The following JPH2 variants were observed in gnomAD, a reference collection of about 807,000 sequenced individuals.
JPH2 encodes junctophilin 2.
Under a neutral mutation model 55.9 loss-of-function variants are expected in JPH2, and 38 were observed. That is an observed-to-expected ratio of 0.68 (90% confidence interval 0.52 to 0.89). JPH2 has a LOEUF of 0.89. Among genes scored for constraint, JPH2 ranks in the 40% least tolerant of loss-of-function variants. The pLI, the probability that JPH2 is intolerant of heterozygous loss-of-function variation, is 0.00. For synonymous variants in JPH2, 480 were observed against 472.4 expected, an observed-to-expected ratio of 1.02 and a Z score of -0.21; for missense variants, 964 against 1,037.6, an observed-to-expected ratio of 0.93 and a Z score of 0.97.
In JPH2 at chr20:44,111,885, A is replaced by T. The variant is rs2294892; in HGVS notation, c.*1633T>A. ...TCTCCGAGACGGAGCCCGTCAGCAC[A>T]GAGCAGTGGCCCCGCCCCATTCCCC... On this transcript the variant is annotated 3_prime_UTR_variant, in exon 6 of 6. Transcript: ENST00000372980. 0.11 allele frequency: 16,536 copies of T among 152,646 alleles called. 994 individuals carry two copies. Among genetic ancestry groups the T allele is most frequent in the Non-Finnish European group, 0.13 (8,764 of 68,396 alleles). 9.5% of individuals were successfully genotyped at this position (152,646 alleles called of 1,614,324 possible).
At chr20:44,146,033 T>C (rs2072491807) in intron 2 of JPH2, among the ~76,000 whole-genome samples, 1 of 150,988 alleles carries the variant, frequency 6.6e-6, no homozygotes, top group East Asian at 1.9e-4. Flanking sequence ...GTCACCATTG[T>C]TCTTTTTTTT....
chr20:44,120,404 A>T (rs1569183691), intron 2 of JPH2, among the ~76,000 whole-genome samples: 1 of 152,200 alleles, frequency 6.6e-6, no homozygotes, highest in Non-Finnish European at 1.5e-5. Flanking sequence ...TCACAGAAGT[A>T]CCTACTAAAG....
rs749014190 is a variant in JPH2, at chr20:44,132,355, GACACACACACACACACAC to G, written c.1170-13750_1170-13733del. Among the ~76,000 whole-genome samples, 260 of 101,288 alleles carry G rather than the reference GACACACACACACACACAC, an allele frequency of 2.6e-3. 2 individuals carry two copies. The highest frequency in any genetic ancestry group is 0.013 in the Admixed American group (132 of 10,310). 66.4% of individuals were successfully genotyped at this position (101,288 alleles called of 152,430 possible). A position where few individuals can be genotyped will look rare whatever the true frequency, so the allele number is the denominator to read the frequency against. ...GAGGTGGAAGGGAGGCAGACAGACA[GACACACACACACACACAC>G]ACACACACACACACACACACACACA... On this transcript the variant is annotated intron_variant, in intron 2 of 5. Transcript: ENST00000372980.
chr20:44,153,956 A>G lies in JPH2; in HGVS notation c.1169+5662T>C, dbSNP rs180991712. ...GTTGGCATGACAACCTGAAAACTTT[A>G]GGCGCCTCCCCAAACATACCAGCTT... On this transcript the variant is annotated intron_variant, in intron 2 of 5. Coordinates refer to ENST00000372980, the MANE Select transcript of JPH2 (RefSeq NM_020433.5). Among the ~76,000 whole-genome samples, 278 of 152,300 alleles carry G rather than the reference A, an allele frequency of 1.8e-3. 6 individuals are homozygous for G. The East Asian group carries it at 0.03, about 16-fold the overall frequency.
At chr20:44,123,748 G>C (rs989712185) in intron 2 of JPH2, among the ~76,000 whole-genome samples, 18 of 152,224 alleles carry the variant, frequency 1.2e-4, no homozygotes, top group African/African-American at 4.3e-4. Flanking sequence ...CGACTCATCG[G>C]AATTTGAAGG....
chr20:44,178,179 G>T (rs1397735335), intron 1 of JPH2, among the ~76,000 whole-genome samples: 2 of 152,082 alleles, frequency 1.3e-5, no homozygotes, highest in Admixed American at 6.5e-5. Context: ...ACTATTTTAA[G>T]TTAAAAGAGA....
intron 1 of JPH2, among the ~76,000 whole-genome samples, chr20:44,172,297 A>G (rs564020991): frequency 1.4e-4 from 22 of 152,294 alleles, no homozygotes; most frequent in South Asian, 4.2e-4. Flanking sequence ...ATTTCATATT[A>G]GTACAATAGT....
rs6031408 is a variant in JPH2 at position 44,129,707 on chromosome 20, A to G, written c.1170-11084T>C. On this transcript the variant is annotated intron_variant, in intron 2 of 5. Coordinates refer to ENST00000372980, the MANE Select transcript of JPH2 (RefSeq NM_020433.5). ...CCGTGGATGTTACCTTCTATGGCAA[A>G]GAGGGCTTTGCAGGTGTGATTAAAT... Among the ~76,000 whole-genome samples, 1,109 of 152,280 alleles carry G rather than the reference A, an allele frequency of 7.3e-3. 17 individuals carry two copies. The highest frequency in any genetic ancestry group is 0.025 in the African/African-American group (1,051 of 41,556).
chr20:44,172,606 C>A (rs551645367), intron 1 of JPH2, among the ~76,000 whole-genome samples: 1 of 152,212 alleles, frequency 6.6e-6, no homozygotes, highest in African/African-American at 2.4e-5. Context: ...GATCCTCCCA[C>A]CTCAGCCTCC....
Position 44,156,035 on chromosome 20 carries a change from C to CAAAAAA in JPH2, c.1169+3577_1169+3582dup, listed in dbSNP as rs753733872. The stretch of plus-strand genomic sequence containing the variant: ...TGGGCAACACAGTGAGACCCTGCCT[C>CAAAAAA]AAAAAAAAAAAAAACTGTCAAGGAC... On this transcript the variant is annotated intron_variant, in intron 2 of 5. Transcript: ENST00000372980. Among the ~76,000 whole-genome samples the CAAAAAA allele has an allele frequency of 7.2e-5, 9 of 124,308 alleles. 1 individual carries two copies. Among genetic ancestry groups the CAAAAAA allele is most frequent in the African/African-American group, 9.1e-5 (3 of 33,034 alleles). 81.6% of individuals were successfully genotyped at this position (124,308 alleles called of 152,430 possible).
intron 1 of JPH2, among the ~76,000 whole-genome samples, chr20:44,180,244 A>G (rs2072768566): frequency 6.6e-6 from 1 of 152,200 alleles, no homozygotes; most frequent in Non-Finnish European, 1.5e-5. Context: ...AAGTAACATA[A>G]CATACCTCAA....
Position 44,159,416 on chromosome 20 carries a change from G to A in JPH2, c.1169+202C>T, listed in dbSNP as rs2072587487. 6.6e-6 allele frequency among the ~76,000 whole-genome samples: 1 copy of A among 152,150 alleles called. No individual in the cohort carries two copies. The highest frequency in any genetic ancestry group is 1.5e-5 in the Non-Finnish European group (1 of 68,016). ...AGTGGTAGGGTTAAGTCAGTGGAAG[G>A]GCTGGGTGTAACTGAGTGATGGATG... On this transcript the variant is annotated intron_variant, in intron 2 of 5. Transcript: ENST00000372980. This position sits in a 1 kb window ranked among gnomAD's most constrained non-coding sequence, Gnocchi z 5.7.
intron 2 of JPH2, among the ~76,000 whole-genome samples, chr20:44,126,802 G>A (rs1410956043): frequency 1.3e-5 from 2 of 152,162 alleles, no homozygotes; most frequent in East Asian, 3.9e-4. Context: ...GTGCCCTCCT[G>A]GGAAGCCCCT....
intron 1 of JPH2, among the ~76,000 whole-genome samples, chr20:44,184,311 T>A (rs2072813383): frequency 6.6e-6 from 1 of 152,126 alleles, no homozygotes; most frequent in Non-Finnish European, 1.5e-5. Flanking sequence ...TTTCCATCAT[T>A]CTCAGCTTAT....
rs889673590 is a variant in JPH2, at chr20:44,159,292, T to C, written c.1169+326A>G. ...GAGGTTGTGTGGATAGATGGATGAC[T>C]GGATGACTGGGTGGGTAAACAGGAA... On this transcript the variant is annotated intron_variant, in intron 2 of 5. Transcript: ENST00000372980. This position sits in a 1 kb window ranked among gnomAD's most constrained non-coding sequence, Gnocchi z 5.7. 6.6e-6 allele frequency among the ~76,000 whole-genome samples: 1 copy of C among 151,976 alleles called. No homozygotes were observed. Among genetic ancestry groups the C allele is most frequent in the Non-Finnish European group, 1.5e-5 (1 of 67,992 alleles).
chr20:44,172,107 C>T (rs1360175903), intron 1 of JPH2, among the ~76,000 whole-genome samples: 2 of 152,164 alleles, frequency 1.3e-5, no homozygotes, highest in Non-Finnish European at 2.9e-5. Flanking sequence ...ATCTCGGGCT[C>T]TCAACAAAGG....
chr20:44,182,149 C>T (rs1027770521), intron 1 of JPH2, among the ~76,000 whole-genome samples: 2 of 152,088 alleles, frequency 1.3e-5, no homozygotes, highest in African/African-American at 2.4e-5. Context: ...AGGAGAATGA[C>T]CCAGGGCTGC....
intron 1 of JPH2, among the ~76,000 whole-genome samples, chr20:44,173,970 C>A (rs1314322978): frequency 1.3e-5 from 2 of 152,154 alleles, no homozygotes; most frequent in African/African-American, 4.8e-5. Context: ...CTAGTCCAAG[C>A]CCATAAGTAA....
Position 44,115,887 on chromosome 20 carries a change from G to A in JPH2, c.1788C>T (p.Pro596=), listed in dbSNP as rs760929264. 10 of 1,580,702 alleles carry A rather than the reference G, an allele frequency of 6.3e-6. No individual in the cohort carries two copies. Among genetic ancestry groups the A allele is most frequent in the Middle Eastern group, 3.5e-4 (2 of 5,754 alleles). The change falls in exon 4 of 6, where the codon CCC becomes CCT. Residue 596 remains proline (P), a synonymous_variant. Coordinates refer to ENST00000372980, the MANE Select transcript of JPH2 (RefSeq NM_020433.5). ...EPEVSGSESA[P]SSPATAPLQA... ...GCAGCGGGGCGGTGGCCGGGGACGA[G>A]GGCGCGGACTCGGACCCGGAGACCT...
Sources: gnomAD v4.1 joint callset for allele counts (sites outside exome capture counted in the v4.1 genomes callset) on GRCh38, gnomAD v4.1.1 for gene constraint, Gnocchi (gnomAD v3.1) non-coding constraint, MANE v1.5 for transcripts, NCBI Gene and HGNC (gene_info 2026-07-23, HGNC 2026-07-21) for gene names.